Variants in ATRNL1 observed in about 807,000 individuals in gnomAD.
ATRNL1 encodes attractin-like protein 1.
In ATRNL1, 95 loss-of-function variants were observed where a neutral mutation model predicts 182.7. The ratio of observed to expected loss-of-function variants is 0.52; its 90% CI spans 0.44 to 0.62. The LOEUF is 0.62. Ranked by LOEUF, ATRNL1 falls within the 20% of genes least tolerant of loss-of-function variation. The pLI is 0.00. For synonymous variants in ATRNL1, 576 were observed against 568.3 expected (o/e 1.01, Z -0.19); for missense variants, 1,471 against 1,679.5 (o/e 0.88, Z 2.17).
chr10:115,473,985 T>C (rs1848421943), intron 24 of ATRNL1, among the ~76,000 whole-genome samples: 1 of 151,356 alleles, frequency 6.6e-6, no homozygotes, highest in Admixed American at 6.6e-5. Flanking sequence ...GTGCAAGGTT[T>C]GTCAATTTTT....
At chr10:115,259,357 C>T (rs921153188) in intron 10 of ATRNL1, among the ~76,000 whole-genome samples, 15 of 151,568 alleles carry the variant, frequency 9.9e-5, no homozygotes, top group Admixed American at 7.2e-4. Flanking sequence ...GCCGCTGCCT[C>T]GCAGTTCAAT....
At chr10:115,863,560 A>C (rs1951365235) in intron 28 of ATRNL1, among the ~76,000 whole-genome samples, 1 of 152,164 alleles carries the variant, frequency 6.6e-6, no homozygotes, top group Non-Finnish European at 1.5e-5. Flanking sequence ...AGAAGACTAG[A>C]ATGAACCCTG....
chr10:115,675,072 T>C (rs1593048736), intron 26 of ATRNL1, among the ~76,000 whole-genome samples: 1 of 152,220 alleles, frequency 6.6e-6, no homozygotes. Context: ...CTACACACAG[T>C]CTAGAATGCA....
chr10:115,568,086 A>G (rs567829732), intron 26 of ATRNL1, among the ~76,000 whole-genome samples: 1 of 152,240 alleles, frequency 6.6e-6, no homozygotes, highest in East Asian at 1.9e-4. Flanking sequence ...GAAAGCTGAC[A>G]GTTAATGGTA....
At chr10:115,178,545 A>C (rs1847624214) in intron 8 of ATRNL1, among the ~76,000 whole-genome samples, 1 of 152,118 alleles carries the variant, frequency 6.6e-6, no homozygotes, top group African/African-American at 2.4e-5. Context: ...CACATGCTAC[A>C]ATTTGAATAT....
intron 24 of ATRNL1, among the ~76,000 whole-genome samples, chr10:115,479,947 AGCAAACTG>A (rs750133313): frequency 1.1e-4 from 17 of 151,328 alleles, no homozygotes; most frequent in Middle Eastern, 3.2e-3. Context: ...CCTGTTTCTG[AGCAAACTG>A]GCTTTGACAA....
At chr10:115,549,653 C>A in intron 26 of ATRNL1, 117 bp downstream of exon 26, 1 of 601,532 alleles carries the variant, frequency 1.7e-6, no homozygotes. Flanking sequence ...TTTTTACATA[C>A]TAATATTCAA....
intron 26 of ATRNL1, among the ~76,000 whole-genome samples, chr10:115,604,887 A>T (rs1407228678): frequency 2.0e-5 from 3 of 151,694 alleles, no homozygotes; most frequent in African/African-American, 4.8e-5. Flanking sequence ...ATTTTGCTTG[A>T]TTTTTTGTAT....
At chr10:115,255,853 G>A (rs1851103001) in intron 10 of ATRNL1, among the ~76,000 whole-genome samples, 3 of 152,322 alleles carry the variant, frequency 2.0e-5, no homozygotes, top group Admixed American at 6.5e-5. Flanking sequence ...CTGAAGGGCT[G>A]TTGAATTTTG....
intron 28 of ATRNL1, among the ~76,000 whole-genome samples, chr10:115,897,149 CAAAG>C (rs1408330736): frequency 1.3e-5 from 2 of 151,840 alleles, no homozygotes; most frequent in African/African-American, 2.4e-5. Flanking sequence ...ACATACATCC[CAAAG>C]AAAGAAATAG....
chr10:115,752,360 A>G (rs1555070826), intron 27 of ATRNL1, among the ~76,000 whole-genome samples: 1 of 152,064 alleles, frequency 6.6e-6, no homozygotes, highest in African/African-American at 2.4e-5. Context: ...AGTTAGTTAT[A>G]TATTCAACAA....
At chr10:115,470,174 A>G (rs1848237768) in intron 24 of ATRNL1, among the ~76,000 whole-genome samples, 1 of 150,312 alleles carries the variant, frequency 6.7e-6, no homozygotes, top group Admixed American at 6.7e-5. Flanking sequence ...ATTAATTTCT[A>G]TGTGATTTGT....
intron 27 of ATRNL1, among the ~76,000 whole-genome samples, chr10:115,777,431 T>G (rs2134181010): frequency 6.6e-6 from 1 of 152,300 alleles, no homozygotes; most frequent in Admixed American, 6.5e-5. Flanking sequence ...CAATTTTGAC[T>G]TTGTTATATC....
intron 27 of ATRNL1, among the ~76,000 whole-genome samples, chr10:115,788,444 A>T (rs1257970298): frequency 1.3e-5 from 2 of 152,190 alleles, no homozygotes; most frequent in Admixed American, 6.5e-5. Flanking sequence ...TAAATTACAG[A>T]TTAAACCAAA....
rs1161579008 is a variant in ATRNL1 at position 115,407,443 on chromosome 10, C to CT, written c.3269+12702dup. On this transcript the variant is annotated intron_variant, in intron 20 of 28. Transcript: ENST00000355044. ...CTACTTTTTACTTCTATGAGATCAA[C>CT]TTTTTTTTTTTAGCTTCCACATGTC... Among the ~76,000 whole-genome samples, 74 of 146,746 alleles carry CT rather than the reference C, an allele frequency of 5.0e-4. 1 individual carries two copies. The highest frequency in any genetic ancestry group is 3.6e-3 in the Middle Eastern group (1 of 278).
intron 27 of ATRNL1, among the ~76,000 whole-genome samples, chr10:115,734,377 C>A (rs1370505914): frequency 6.6e-6 from 1 of 151,906 alleles, no homozygotes; most frequent in Non-Finnish European, 1.5e-5. Flanking sequence ...ATAAATGTTA[C>A]CTTCTTTCTT....
At chr10:115,389,406 G>A (rs1592579178) in intron 19 of ATRNL1, among the ~76,000 whole-genome samples, 3 of 150,148 alleles carry the variant, frequency 2.0e-5, no homozygotes, top group Admixed American at 2.0e-4. Flanking sequence ...CCAGCTACTC[G>A]GGAGGCTGAG....
chr10:115,510,306 T>C (rs1229010392), intron 24 of ATRNL1, among the ~76,000 whole-genome samples: 1 of 152,084 alleles, frequency 6.6e-6, no homozygotes, highest in African/African-American at 2.4e-5. Context: ...AGTAAATTTT[T>C]ATGAAACAGC....
chr10:115,212,168 C>T (rs1260054516), intron 8 of ATRNL1, among the ~76,000 whole-genome samples: 2 of 151,834 alleles, frequency 1.3e-5, no homozygotes, highest in African/African-American at 4.8e-5. Flanking sequence ...TTATTCACCC[C>T]TTGCCCCACT....
Sources: allele counts gnomAD v4.1 joint callset (sites outside exome capture counted in the v4.1 genomes callset), GRCh38; gene constraint gnomAD v4.1.1; transcripts MANE v1.5; gene names NCBI Gene and HGNC (gene_info 2026-07-23, HGNC 2026-07-21).